Variants in CSMD1 observed in about 807,000 individuals in gnomAD.
The protein encoded by CSMD1 is CUB and Sushi multiple domains 1, also known as CUB and sushi domain-containing protein 1.
In CSMD1, 213 loss-of-function variants were observed where a neutral mutation model predicts 417.5. The observed-to-expected ratio is 0.51, with a 90% CI of 0.46 to 0.57. The LOEUF (loss-of-function observed/expected upper bound fraction) is 0.57. Ranked by LOEUF, CSMD1 falls within the 20% of genes least tolerant of loss-of-function variation. The pLI is 0.00. For missense variants in CSMD1, 6,923 were observed against 4,529.7 expected, an observed-to-expected ratio of 1.53 and a Z score of -15.17; for synonymous variants, 2,862 against 1,736.8, an observed-to-expected ratio of 1.65 and a Z score of -16.11.
chr8:4,685,490 G>A (rs781093767), intron 1 of CSMD1, among the ~76,000 whole-genome samples: 4 of 152,034 alleles, frequency 2.6e-5, no homozygotes, highest in Admixed American at 2.0e-4. Context: ...CAGGAGAATC[G>A]CTTAGAACTC....
At chr8:3,403,842 C>T (rs1369817575) in intron 15 of CSMD1, among the ~76,000 whole-genome samples, 1 of 152,188 alleles carries the variant, frequency 6.6e-6, no homozygotes, top group Non-Finnish European at 1.5e-5. Flanking sequence ...AGATGAAAAC[C>T]TACCCATTTA....
chr8:4,425,589 T>C (rs1797502652), intron 2 of CSMD1, among the ~76,000 whole-genome samples: 1 of 152,142 alleles, frequency 6.6e-6, no homozygotes, highest in Non-Finnish European at 1.5e-5. Flanking sequence ...CCTGAAGACA[T>C]GAAAGTACTT....
At chr8:4,588,411 G>C (rs991448678) in intron 2 of CSMD1, among the ~76,000 whole-genome samples, 6 of 150,526 alleles carry the variant, frequency 4.0e-5, no homozygotes, top group African/African-American at 7.3e-5. Flanking sequence ...CAGAGATAAA[G>C]AACTATCTCT....
chr8:3,037,342 A>G (rs917234545), intron 50 of CSMD1, among the ~76,000 whole-genome samples: 2 of 141,348 alleles, frequency 1.4e-5, no homozygotes, highest in Middle Eastern at 3.4e-3. Flanking sequence ...AGTAGCTGGG[A>G]CTACAGGCGC....
intron 47 of CSMD1, among the ~76,000 whole-genome samples, chr8:3,094,083 G>GTTTTTTTTTTTTTTT (rs36032306): frequency 6.7e-6 from 1 of 150,006 alleles, no homozygotes; most frequent in African/African-American, 2.5e-5. Flanking sequence ...GAGTTTTAGG[G>GTTTTTTTTTTTTTTT]TTTTTTTTAT....
At chr8:3,161,638 A>AC (rs1819900996) in intron 38 of CSMD1, among the ~76,000 whole-genome samples, 1 of 151,846 alleles carries the variant, frequency 6.6e-6, no homozygotes, top group South Asian at 2.1e-4. Flanking sequence ...AAAAAAAAAA[A>AC]AAAAAAACCC....
chr8:3,724,525 T>C (rs1802378539), intron 6 of CSMD1, among the ~76,000 whole-genome samples: 1 of 152,088 alleles, frequency 6.6e-6, no homozygotes, highest in South Asian at 2.1e-4. Context: ...TTTTCAACCA[T>C]TTTCAAAAGG....
chr8:3,472,761 C>T (rs28390360), intron 11 of CSMD1, among the ~76,000 whole-genome samples: 114,614 of 151,988 alleles, frequency 0.75, 43,697 homozygotes, highest in African/African-American at 0.87. Flanking sequence ...GATAACTTTA[C>T]TCATAAGTAT....
At chr8:2,951,842 T>C (rs1563174760) in intron 65 of CSMD1, among the ~76,000 whole-genome samples, 1 of 152,208 alleles carries the variant, frequency 6.6e-6, no homozygotes, top group Non-Finnish European at 1.5e-5. Context: ...CTGTCATTCA[T>C]ACTCTTCTGT....
intron 3 of CSMD1, among the ~76,000 whole-genome samples, chr8:4,060,134 T>G (rs1016827844): frequency 6.6e-6 from 1 of 152,150 alleles, no homozygotes; most frequent in African/African-American, 2.4e-5. Flanking sequence ...CAAGGCTGGT[T>G]CAACATATAC....
intron 1 of CSMD1, among the ~76,000 whole-genome samples, chr8:4,900,090 G>A (rs1804768126): frequency 6.6e-6 from 1 of 152,008 alleles, no homozygotes; most frequent in Non-Finnish European, 1.5e-5. Flanking sequence ...TGCTTCCACT[G>A]CAGACTCACC....
At chr8:4,614,269 T>C (rs530451323) in intron 2 of CSMD1, among the ~76,000 whole-genome samples, 24 of 152,320 alleles carry the variant, frequency 1.6e-4, no homozygotes, top group African/African-American at 4.6e-4. Flanking sequence ...TACACATTTG[T>C]GTTTCACACC....
At chr8:4,297,917 G>A (rs1307534454) in intron 3 of CSMD1, among the ~76,000 whole-genome samples, 1 of 152,238 alleles carries the variant, frequency 6.6e-6, no homozygotes, top group South Asian at 2.1e-4. Context: ...AATCAGAAAG[G>A]TTTTTATTAG....
chr8:4,390,711 C>A (rs1426385047), intron 3 of CSMD1, among the ~76,000 whole-genome samples: 1 of 151,662 alleles, frequency 6.6e-6, no homozygotes, highest in Non-Finnish European at 1.5e-5. Flanking sequence ...GACGGGGTTT[C>A]ACCATGTTAG....
intron 5 of CSMD1, among the ~76,000 whole-genome samples, chr8:3,811,472 G>T (rs1228278300): frequency 6.6e-6 from 1 of 152,046 alleles, no homozygotes; most frequent in Non-Finnish European, 1.5e-5. Flanking sequence ...TAGACATTTG[G>T]TTTTTCCCAA....
At chr8:4,273,386 T>C (rs1585136921) in intron 3 of CSMD1, among the ~76,000 whole-genome samples, 1 of 152,276 alleles carries the variant, frequency 6.6e-6, no homozygotes, top group East Asian at 1.9e-4. Context: ...TTTCTGGATT[T>C]CATATCAGAT....
intron 10 of CSMD1, among the ~76,000 whole-genome samples, chr8:3,535,100 A>T (rs1239849092): frequency 1.3e-5 from 2 of 150,980 alleles, no homozygotes; most frequent in Non-Finnish European, 2.9e-5. Flanking sequence ...GGGTGTACCA[A>T]CATAGTCAGC....
chr8:3,900,146 G>A (rs1163679013), intron 5 of CSMD1, among the ~76,000 whole-genome samples: 1 of 151,942 alleles, frequency 6.6e-6, no homozygotes, highest in Non-Finnish European at 1.5e-5. Flanking sequence ...GGGTGACAGT[G>A]CAGCTAGATG....
At chr8:4,935,081 C>G (rs758964389) in intron 1 of CSMD1, among the ~76,000 whole-genome samples, 6 of 152,208 alleles carry the variant, frequency 3.9e-5, no homozygotes, top group Non-Finnish European at 7.3e-5. Context: ...CATATCACAA[C>G]AGGCCCCATG....
Sources: allele counts gnomAD v4.1 joint callset (sites outside exome capture counted in the v4.1 genomes callset), GRCh38; gene constraint gnomAD v4.1.1; transcripts MANE v1.5; gene names NCBI Gene and HGNC (gene_info 2026-07-23, HGNC 2026-07-21).